Variants in MECOM observed in about 807,000 individuals in gnomAD.
MECOM encodes MDS1 and EVI1 complex locus, also known as histone-lysine N-methyltransferase MECOM.
Under a neutral mutation model 116.3 loss-of-function variants are expected in MECOM, and 13 were observed. The ratio of observed to expected loss-of-function variants is 0.11; its 90% CI spans 0.07 to 0.18. MECOM has a LOEUF of 0.18. MECOM is among the 10% of genes least tolerant of loss of function. The probability of loss-of-function intolerance (pLI) is 1.00; values close to 1 mark genes in which losing one functional copy is unlikely to be tolerated. For synonymous variants in MECOM, 528 were observed against 535.2 expected (o/e 0.99, Z 0.19); for missense variants, 1,299 against 1,509.0 (o/e 0.86, Z 2.31).
At chr3:169,164,420 G>T (rs1462554822) in intron 2 of MECOM, among the ~76,000 whole-genome samples, 1 of 152,122 alleles carries the variant, frequency 6.6e-6, no homozygotes, top group Non-Finnish European at 1.5e-5. Context: ...AAATTGCCCA[G>T]TCTTGGGTAT....
At chr3:169,195,015 C>G (rs1449981065) in intron 2 of MECOM, among the ~76,000 whole-genome samples, 1 of 152,022 alleles carries the variant, frequency 6.6e-6, no homozygotes, top group African/African-American at 2.4e-5. Flanking sequence ...CTATATCATT[C>G]TAGCAAGTTA....
At chr3:169,622,910 T>A (rs1770926572) in intron 1 of MECOM, among the ~76,000 whole-genome samples, 1 of 152,166 alleles carries the variant, frequency 6.6e-6, no homozygotes, top group Admixed American at 6.5e-5. Flanking sequence ...CACCTCACAA[T>A]CTTTTCCCAA....
At chr3:169,331,906 T>G (rs1722787984) in intron 2 of MECOM, among the ~76,000 whole-genome samples, 1 of 151,344 alleles carries the variant, frequency 6.6e-6, no homozygotes, top group Non-Finnish European at 1.5e-5. Context: ...AAAGAGTCAG[T>G]GAGCAAGTGA....
At chr3:169,230,358 G>A (rs1390164394) in intron 2 of MECOM, among the ~76,000 whole-genome samples, 1 of 151,908 alleles carries the variant, frequency 6.6e-6, no homozygotes, top group East Asian at 1.9e-4. Flanking sequence ...TTATAATAAT[G>A]CAGTGATTTC....
At chr3:169,295,885 T>G (rs979169617) in intron 2 of MECOM, among the ~76,000 whole-genome samples, 1 of 152,144 alleles carries the variant, frequency 6.6e-6, no homozygotes, top group Admixed American at 6.5e-5. Flanking sequence ...CATGGACAAG[T>G]GGAGGAAGAA....
intron 1 of MECOM, among the ~76,000 whole-genome samples, chr3:169,530,668 T>C (rs567650728): frequency 7.2e-5 from 11 of 152,256 alleles, no homozygotes; most frequent in Non-Finnish European, 1.5e-4. Flanking sequence ...GACAGCCTAA[T>C]GTTTCAATCC....
chr3:169,093,112 G>A lies in MECOM; in HGVS notation c.3020-10C>T, dbSNP rs1446589619. The A allele has an allele frequency of 3.2e-6, 5 of 1,577,754 alleles. No homozygotes were observed. The highest frequency in any genetic ancestry group is 1.4e-5 in the African/African-American group (1 of 72,780). On this transcript the variant is annotated splice_polypyrimidine_tract_variant and intron_variant, in intron 13 of 16. Transcript: ENST00000651503. Reference sequence around the variant, plus strand: ...GACGATGTTGCTGTACCTGTGTGGAGCAGAAAGCCTTTTATGACAAAGATT... The same window carrying A: ...GACGATGTTGCTGTACCTGTGTGGAACAGAAAGCCTTTTATGACAAAGATT...
At chr3:169,089,601 C>T (rs1441944634) in intron 15 of MECOM, among the ~76,000 whole-genome samples, 1 of 152,016 alleles carries the variant, frequency 6.6e-6, no homozygotes, top group African/African-American at 2.4e-5. Flanking sequence ...CTATATAGAT[C>T]ACATATATAT....
chr3:169,104,929 AT>A (rs1413328508), intron 10 of MECOM, among the ~76,000 whole-genome samples: 5 of 152,188 alleles, frequency 3.3e-5, no homozygotes, highest in Admixed American at 3.3e-4. Context: ...AAATAATGAC[AT>A]TCTTAAAGGT....
intron 2 of MECOM, 45 bp downstream of exon 2, chr3:169,381,142 C>T (rs989961229): frequency 3.3e-6 from 5 of 1,499,516 alleles, no homozygotes; most frequent in African/African-American, 1.4e-5. Context: ...CTCTTCTTTA[C>T]ACAGCTGCAA....
intron 1 of MECOM, among the ~76,000 whole-genome samples, chr3:169,653,704 A>G (rs1348517873): frequency 6.6e-6 from 1 of 152,202 alleles, no homozygotes; most frequent in Admixed American, 6.5e-5. Context: ...TCAATAAAAT[A>G]ATGTATTGAA....
At position 169,084,267 on chromosome 3, in the gene MECOM, C is replaced by T; in HGVS notation, c.*642G>A. 4.3e-6 allele frequency: 1 copy of T among 231,048 alleles called. No homozygotes were observed. Among genetic ancestry groups the T allele is most frequent in the Non-Finnish European group, 8.6e-6 (1 of 116,666 alleles). The allele number at this position is 231,048 out of a possible 1,614,324, so 14.3% of individuals were successfully genotyped here. ...GAATAGGTTACTTCACTGACTTAAC[C>T]TCTTTGAGTGTTAACATCCATAGTT... On this transcript the variant is annotated 3_prime_UTR_variant, in exon 17 of 17. Coordinates refer to ENST00000651503, the MANE Select transcript of MECOM (RefSeq NM_004991.4).
intron 2 of MECOM, among the ~76,000 whole-genome samples, chr3:169,256,771 G>C (rs920924719): frequency 1.5e-4 from 23 of 152,110 alleles, no homozygotes; most frequent in African/African-American, 5.6e-4. Flanking sequence ...AAGATGCCTG[G>C]GCACATCTAG....
intron 1 of MECOM, among the ~76,000 whole-genome samples, chr3:169,536,835 A>G (rs1045135626): frequency 2.6e-5 from 4 of 152,216 alleles, no homozygotes; most frequent in South Asian, 2.1e-4. Flanking sequence ...TACCTTATAC[A>G]GGAACTATGT....
chr3:169,263,099 A>G (rs1400255677), intron 2 of MECOM, among the ~76,000 whole-genome samples: 6 of 65,128 alleles, frequency 9.2e-5, no homozygotes, highest in African/African-American at 3.8e-4. Flanking sequence ...ATATATATAT[A>G]TATATATATA....
intron 2 of MECOM, among the ~76,000 whole-genome samples, chr3:169,311,216 T>A (rs963875224): frequency 6.6e-6 from 1 of 152,130 alleles, no homozygotes; most frequent in African/African-American, 2.4e-5. Flanking sequence ...ATTTCCAGCT[T>A]TGCCTTAGGA....
rs150246643 is a variant in MECOM, at chr3:169,415,775, A to G, written c.38-34251T>C. Among the ~76,000 whole-genome samples, 277 of 152,302 alleles carry G rather than the reference A, an allele frequency of 1.8e-3. 5 individuals are homozygous for G. In the East Asian group the frequency reaches 0.048, roughly 27 times the overall value. On this transcript the variant is annotated intron_variant, in intron 1 of 16. Coordinates refer to ENST00000651503, the MANE Select transcript of MECOM (RefSeq NM_004991.4). ...ACTTTAAACCAACAAATATAAAAAA[A>G]GACAAAGAAGGGCATTGCATAAAGG...
chr3:169,179,441 T>C (rs1438351907), intron 2 of MECOM, among the ~76,000 whole-genome samples: 1 of 137,106 alleles, frequency 7.3e-6, no homozygotes, highest in Admixed American at 7.0e-5. Context: ...ACCCAGCTGC[T>C]GCGGAATGTT....
intron 1 of MECOM, among the ~76,000 whole-genome samples, chr3:169,580,021 C>T (rs889629543): frequency 6.6e-6 from 1 of 152,162 alleles, no homozygotes; most frequent in African/African-American, 2.4e-5. Context: ...AACTCGTCAC[C>T]TGCTAGGAAT....
Sources: gnomAD v4.1 joint callset for allele counts (sites outside exome capture counted in the v4.1 genomes callset) on GRCh38, gnomAD v4.1.1 for gene constraint, MANE v1.5 for transcripts, NCBI Gene and HGNC (gene_info 2026-07-23, HGNC 2026-07-21) for gene names.